The following RANBP2 variants were observed in gnomAD, a reference collection of about 807,000 sequenced individuals.
RANBP2 encodes RAN binding protein 2.
Under a neutral mutation model 303.6 loss-of-function variants are expected in RANBP2, and 57 were observed. The ratio of observed to expected loss-of-function variants is 0.19; its 90% CI spans 0.15 to 0.23. RANBP2 has a LOEUF of 0.23. Ranked by LOEUF, RANBP2 falls within the 10% of genes least tolerant of loss-of-function variation. RANBP2 has a pLI of 1.00. For missense variants in RANBP2, 3,138 were observed against 3,780.8 expected (o/e 0.83, Z 4.46); for synonymous variants, 1,167 against 1,301.5 (o/e 0.90, Z 2.23).
chr2:109,183,383 C>T, the RANBP2 span, among the ~76,000 whole-genome samples: 2 of 152,260 alleles, frequency 1.3e-5, no homozygotes, highest in Admixed American at 6.5e-5. Context: ...GTGAACTCTC[C>T]CTTGCTGCTG....
At chr2:109,673,886 C>T in the RANBP2 span, among the ~76,000 whole-genome samples, 2 of 152,176 alleles carry the variant, frequency 1.3e-5, no homozygotes, top group South Asian at 2.1e-4. Context: ...GTTTTTTCCC[C>T]CTTCATTTTG....
At chr2:109,318,466 T>C in the RANBP2 span, among the ~76,000 whole-genome samples, 1 of 152,204 alleles carries the variant, frequency 6.6e-6, no homozygotes, top group Admixed American at 6.5e-5. Context: ...GCTCTCGGCA[T>C]ACGCGTTTAT....
At chr2:109,264,092 C>T in the RANBP2 span, among the ~76,000 whole-genome samples, 2 of 152,254 alleles carry the variant, frequency 1.3e-5, no homozygotes, top group East Asian at 3.9e-4. Context: ...AGCTACAGAT[C>T]TCAGTCTGTG....
the RANBP2 span, among the ~76,000 whole-genome samples, chr2:109,412,054 C>T: frequency 1.3e-5 from 2 of 152,200 alleles, no homozygotes; most frequent in African/African-American, 2.4e-5. Context: ...CTGAGCCCTC[C>T]CGAGCCTCCT....
chr2:109,569,476 T>A, the RANBP2 span, among the ~76,000 whole-genome samples: 1 of 151,742 alleles, frequency 6.6e-6, no homozygotes. Flanking sequence ...ATAATTCCTA[T>A]TCTAAATTTT....
the RANBP2 span, among the ~76,000 whole-genome samples, chr2:109,497,467 A>G: frequency 1.8e-4 from 27 of 152,314 alleles, no homozygotes; most frequent in African/African-American, 6.5e-4. Flanking sequence ...GATTTTGCCC[A>G]TTTGGATTCC....
At chr2:109,653,859 G>C in the RANBP2 span, among the ~76,000 whole-genome samples, 1 of 152,044 alleles carries the variant, frequency 6.6e-6, no homozygotes, top group African/African-American at 2.4e-5. Context: ...TTCAGGTAGC[G>C]CTCATCTCCA....
At chr2:109,607,441 A>C in the RANBP2 span, among the ~76,000 whole-genome samples, 4 of 152,134 alleles carry the variant, frequency 2.6e-5, no homozygotes, top group Non-Finnish European at 2.9e-5. Flanking sequence ...TACCTGTATT[A>C]TCTCTCCCCC....
the RANBP2 span, among the ~76,000 whole-genome samples, chr2:109,472,404 G>A: frequency 6.6e-6 from 1 of 152,126 alleles, no homozygotes; most frequent in Non-Finnish European, 1.5e-5. Flanking sequence ...AGCACAGAAA[G>A]AGGAAATCCA....
the RANBP2 span, among the ~76,000 whole-genome samples, chr2:109,349,700 G>A: frequency 6.0e-4 from 91 of 152,326 alleles, 1 homozygote; most frequent in African/African-American, 2.0e-3. Context: ...ACAGGAGGAG[G>A]CTCTCCACTC....
chr2:109,205,387 C>A, the RANBP2 span, among the ~76,000 whole-genome samples: 1 of 151,844 alleles, frequency 6.6e-6, no homozygotes, highest in African/African-American at 2.4e-5. Context: ...AGGCATGCAT[C>A]ACCATGCCTA....
At chr2:109,172,054 C>G in the RANBP2 span, among the ~76,000 whole-genome samples, 14 of 152,226 alleles carry the variant, frequency 9.2e-5, no homozygotes, top group Admixed American at 6.5e-5. Flanking sequence ...TGTTTGGTTG[C>G]TTGGTTTGGA....
the RANBP2 span, among the ~76,000 whole-genome samples, chr2:109,196,034 A>G: frequency 6.6e-6 from 1 of 152,150 alleles, no homozygotes; most frequent in Admixed American, 6.5e-5. Flanking sequence ...CTGTTTTTCC[A>G]AAGTGGGAAT....
At chr2:109,321,489 T>C in the RANBP2 span, among the ~76,000 whole-genome samples, 1 of 152,256 alleles carries the variant, frequency 6.6e-6, no homozygotes, top group Non-Finnish European at 1.5e-5. Context: ...TTTGTTTCCA[T>C]TTAACAAAGG....
chr2:109,651,223 GCCT>G, the RANBP2 span, among the ~76,000 whole-genome samples: 23 of 152,150 alleles, frequency 1.5e-4, no homozygotes, highest in Admixed American at 9.8e-4. Context: ...TGATTCCTGG[GCCT>G]GTGAATGTCT....
chr2:109,382,259 C>G, the RANBP2 span, among the ~76,000 whole-genome samples: 1 of 152,162 alleles, frequency 6.6e-6, no homozygotes, highest in African/African-American at 2.4e-5. Flanking sequence ...ACCATAGGGT[C>G]TGTCTTAGTT....
chr2:109,088,040 G>C, the RANBP2 span, among the ~76,000 whole-genome samples: 1 of 152,118 alleles, frequency 6.6e-6, no homozygotes, highest in Non-Finnish European at 1.5e-5. Flanking sequence ...CAAGGCGGGC[G>C]GATCATCAAG....
At chr2:109,058,062 G>C in the RANBP2 span, among the ~76,000 whole-genome samples, 1 of 152,208 alleles carries the variant, frequency 6.6e-6, no homozygotes, top group Non-Finnish European at 1.5e-5. Flanking sequence ...GGGTCACTGG[G>C]AGTTGCCACA....
chr2:108,915,448 T>C, the RANBP2 span, among the ~76,000 whole-genome samples: 1 of 152,220 alleles, frequency 6.6e-6, no homozygotes, highest in Non-Finnish European at 1.5e-5. Context: ...TCATAGGGTA[T>C]GTAAGAAACA....
Sources: allele counts gnomAD v4.1 joint callset (sites outside exome capture counted in the v4.1 genomes callset), GRCh38; gene constraint gnomAD v4.1.1; transcripts MANE v1.5; gene names NCBI Gene and HGNC (gene_info 2026-07-23, HGNC 2026-07-21).